Variants in MAGI2 observed in about 807,000 individuals in gnomAD.
MAGI2 encodes membrane associated guanylate kinase, WW and PDZ domain containing 2, also known as membrane-associated guanylate kinase, WW and PDZ domain-containing protein 2.
In MAGI2, 35 loss-of-function variants were observed where a neutral mutation model predicts 133.3. The observed-to-expected ratio is 0.26, with a 90% CI of 0.20 to 0.35. The LOEUF is 0.35. Among genes scored for constraint, MAGI2 ranks in the 10% least tolerant of loss-of-function variants. The pLI, the probability that MAGI2 is intolerant of heterozygous loss-of-function variation, is 1.00. For synonymous variants in MAGI2, 729 were observed against 710.6 expected, an observed-to-expected ratio of 1.03 and a Z score of -0.41; for missense variants, 1,636 against 1,863.4, an observed-to-expected ratio of 0.88 and a Z score of 2.25.
intron 1 of MAGI2, among the ~76,000 whole-genome samples, chr7:79,253,703 T>A (rs1482456370): frequency 6.6e-6 from 1 of 152,110 alleles, no homozygotes; most frequent in Non-Finnish European, 1.5e-5. Flanking sequence ...AGTAAAAATG[T>A]CAAGTTTGAT....
intron 1 of MAGI2, among the ~76,000 whole-genome samples, chr7:79,324,157 TCTTTTTCA>T (rs878935260): frequency 0.014 from 1,152 of 80,374 alleles, 55 homozygotes; most frequent in Admixed American, 0.12. Flanking sequence ...CATGTAAAGA[TCTTTTTCA>T]ATTTTTCAAA....
intron 1 of MAGI2, among the ~76,000 whole-genome samples, chr7:79,230,699 GTCA>G (rs2129554197): frequency 6.6e-6 from 1 of 152,038 alleles, no homozygotes; most frequent in East Asian, 1.9e-4. Context: ...TTAGCCCTTT[GTCA>G]GATGAGTAGG....
intron 1 of MAGI2, among the ~76,000 whole-genome samples, chr7:79,379,590 T>C (rs1355510206): frequency 1.3e-5 from 2 of 151,862 alleles, no homozygotes; most frequent in African/African-American, 4.8e-5. Flanking sequence ...AGTGTAAAAG[T>C]GTTCCTATTT....
intron 3 of MAGI2, among the ~76,000 whole-genome samples, chr7:78,599,920 G>A (rs1007584546): frequency 2.6e-5 from 4 of 152,074 alleles, no homozygotes; most frequent in East Asian, 1.9e-4. Flanking sequence ...AGAACCTTTC[G>A]TGTGAACTTT....
intron 6 of MAGI2, among the ~76,000 whole-genome samples, chr7:78,375,572 A>T (rs1794365458): frequency 6.6e-6 from 1 of 152,062 alleles, no homozygotes; most frequent in Non-Finnish European, 1.5e-5. Flanking sequence ...TATGTTGACT[A>T]GCCTTTTTAA....
intron 2 of MAGI2, among the ~76,000 whole-genome samples, chr7:78,686,015 C>T (rs773816991): frequency 2.1e-5 from 3 of 142,004 alleles, no homozygotes; most frequent in African/African-American, 5.1e-5. Flanking sequence ...ATTCAGCATG[C>T]CATGTTTTGG....
At chr7:78,415,987 G>A (rs1409421548) in intron 6 of MAGI2, among the ~76,000 whole-genome samples, 4 of 152,064 alleles carry the variant, frequency 2.6e-5, no homozygotes, top group Admixed American at 6.6e-5. Context: ...AAGTGGGTGG[G>A]GTGACTCCCA....
intron 2 of MAGI2, among the ~76,000 whole-genome samples, chr7:78,685,565 G>GT (rs925028167): frequency 2.3e-5 from 3 of 132,732 alleles, no homozygotes; most frequent in African/African-American, 8.6e-5. Context: ...TTCATTTCCA[G>GT]TTTTTTTGCT....
At position 79,078,283 on chromosome 7, in the gene MAGI2, C is replaced by T. The variant is rs2159684; in HGVS notation, c.302-71077G>A. Among the ~76,000 whole-genome samples, 866 of 105,520 alleles carry T rather than the reference C, an allele frequency of 8.2e-3. 8 individuals carry two copies. The highest frequency in any genetic ancestry group is 0.026 in the African/African-American group (833 of 31,836). 69.2% of individuals were successfully genotyped at this position (105,520 alleles called of 152,430 possible). On this transcript the variant is annotated intron_variant, in intron 1 of 21. Coordinates refer to ENST00000354212, the MANE Select transcript of MAGI2 (RefSeq NM_012301.4). ...GTTCTTAGTACAACTGAATACAAAC[C>T]GATTCCATAGGTGGTTTTTTTTTTA...
chr7:79,438,531 T>C (rs976874052), intron 1 of MAGI2, among the ~76,000 whole-genome samples: 1 of 152,114 alleles, frequency 6.6e-6, no homozygotes, highest in Non-Finnish European at 1.5e-5. Flanking sequence ...ATTTTCTTTT[T>C]CTAGAACAGC....
chr7:79,354,867 C>A (rs757957272), intron 1 of MAGI2, among the ~76,000 whole-genome samples: 4 of 152,304 alleles, frequency 2.6e-5, no homozygotes, highest in African/African-American at 9.6e-5. Context: ...ACTCCAACTC[C>A]TAAGCCGCTC....
chr7:78,948,752 AG>A (rs1469944881), intron 2 of MAGI2, among the ~76,000 whole-genome samples: 1 of 152,154 alleles, frequency 6.6e-6, no homozygotes, highest in African/African-American at 2.4e-5. Flanking sequence ...TAAATAACTT[AG>A]AAGCATGAAA....
At chr7:78,162,546 A>T (rs919853445) in intron 15 of MAGI2, among the ~76,000 whole-genome samples, 1 of 151,336 alleles carries the variant, frequency 6.6e-6, no homozygotes, top group African/African-American at 2.4e-5. Context: ...ACAAAAAACA[A>T]AAACGAAAGA....
chr7:78,212,781 G>T (rs1361529334), intron 10 of MAGI2, among the ~76,000 whole-genome samples: 1 of 152,184 alleles, frequency 6.6e-6, no homozygotes, highest in Non-Finnish European at 1.5e-5. Context: ...GGGCTCAGAT[G>T]ATTCTTGCAC....
chr7:79,160,252 GT>G (rs1198857884), intron 1 of MAGI2, among the ~76,000 whole-genome samples: 1 of 151,908 alleles, frequency 6.6e-6, no homozygotes, highest in Non-Finnish European at 1.5e-5. Context: ...GTGAATCTAG[GT>G]TTTTTCCTCT....
intron 13 of MAGI2, among the ~76,000 whole-genome samples, chr7:78,180,950 T>A (rs1827134558): frequency 1.1e-5 from 1 of 94,274 alleles, no homozygotes; most frequent in Non-Finnish European, 2.3e-5. Flanking sequence ...TTTTTTTTTT[T>A]AGGGAAAATA....
At chr7:78,778,756 C>T (rs1583852921) in intron 2 of MAGI2, among the ~76,000 whole-genome samples, 1 of 152,090 alleles carries the variant, frequency 6.6e-6, no homozygotes, top group East Asian at 1.9e-4. Context: ...ACTTAATGGC[C>T]TTAAATCTTA....
At chr7:79,233,984 G>A (rs1831631079) in intron 1 of MAGI2, among the ~76,000 whole-genome samples, 1 of 145,554 alleles carries the variant, frequency 6.9e-6, no homozygotes, top group Admixed American at 6.9e-5. Context: ...TTTTAGGGCA[G>A]GCCTGGTGGT....
chr7:78,966,081 C>G (rs1803280497), intron 2 of MAGI2, among the ~76,000 whole-genome samples: 1 of 152,032 alleles, frequency 6.6e-6, no homozygotes, highest in Non-Finnish European at 1.5e-5. Context: ...TTGTCCAACA[C>G]ACTGACCTAG....
Sources: allele counts gnomAD v4.1 joint callset (sites outside exome capture counted in the v4.1 genomes callset), GRCh38; gene constraint gnomAD v4.1.1; transcripts MANE v1.5; gene names NCBI Gene and HGNC (gene_info 2026-07-23, HGNC 2026-07-21).